ANO2: variants seen among roughly 807,000 people sequenced by gnomAD.
The protein encoded by ANO2 is anoctamin 2.
ANO2 carries 101 observed loss-of-function variants against 124.2 expected under a neutral mutation model. The ratio of observed to expected loss-of-function variants is 0.81; its 90% CI spans 0.69 to 0.96. The LOEUF (loss-of-function observed/expected upper bound fraction) is 0.96, where lower values mean the gene tolerates loss of function less well. ANO2 is among the 40% of genes least tolerant of loss of function. The pLI is 0.00. For missense variants in ANO2, 1,293 were observed against 1,274.5 expected (o/e 1.01, Z -0.22); for synonymous variants, 486 against 482.5 (o/e 1.01, Z -0.09).
intron 7 of ANO2, among the ~76,000 whole-genome samples, chr12:5,821,626 G>A (rs1281446170): frequency 1.3e-5 from 2 of 152,230 alleles, no homozygotes; most frequent in African/African-American, 4.8e-5. Flanking sequence ...GCAAGGCCCT[G>A]CCATCTTCTG....
intron 10 of ANO2, among the ~76,000 whole-genome samples, chr12:5,776,192 A>G (rs1952227800): frequency 1.3e-5 from 2 of 152,164 alleles, no homozygotes. Context: ...TATCACTGCT[A>G]TCCACAGTAC....
chr12:5,656,964 G>A (rs1234794749), intron 14 of ANO2, among the ~76,000 whole-genome samples: 1 of 152,186 alleles, frequency 6.6e-6, no homozygotes, highest in Admixed American at 6.5e-5. Flanking sequence ...AGCAGGCCGA[G>A]GTCATCTACG....
chr12:5,874,794 T>G (rs1937980110), intron 3 of ANO2, among the ~76,000 whole-genome samples: 1 of 152,226 alleles, frequency 6.6e-6, no homozygotes, highest in Non-Finnish European at 1.5e-5. Context: ...CGTCTTTTTT[T>G]ATTTGGAACT....
intron 14 of ANO2, among the ~76,000 whole-genome samples, chr12:5,714,912 A>G (rs890494834): frequency 3.9e-5 from 6 of 152,192 alleles, no homozygotes; most frequent in Admixed American, 1.3e-4. Flanking sequence ...CTGCATTTTC[A>G]TGATTCAACA....
At chr12:5,565,967 T>C (rs897734938) in intron 23 of ANO2, among the ~76,000 whole-genome samples, 4 of 152,356 alleles carry the variant, frequency 2.6e-5, no homozygotes, top group African/African-American at 9.6e-5. Context: ...GCCCAGGGCA[T>C]CTGAGGGTAG....
intron 3 of ANO2, among the ~76,000 whole-genome samples, chr12:5,894,625 T>C (rs1201454965): frequency 6.6e-6 from 1 of 152,226 alleles, no homozygotes; most frequent in Non-Finnish European, 1.5e-5. Context: ...TAGTTTTAGA[T>C]CTTACGTTTA....
Position 5,562,998 on chromosome 12 carries a change from C to G in ANO2, c.*301G>C, listed in dbSNP as rs1040317964. On this transcript the variant is annotated 3_prime_UTR_variant, in exon 25 of 25. Coordinates refer to ENST00000682330, the MANE Select transcript of ANO2 (RefSeq NM_001364791.2). The stretch of plus-strand genomic sequence containing the variant: ...GTGCCCCAGGGTACATGGGAATGCT[C>G]GCGGTGCCTGAGACTCTGGGGTGGA... 1.5e-5 allele frequency: 6 copies of G among 387,426 alleles called. No individual in the cohort carries two copies. Among genetic ancestry groups the G allele is most frequent in the Non-Finnish European group, 2.8e-5 (6 of 210,902 alleles). The allele number at this position is 387,426 out of a possible 1,614,324, so 24.0% of individuals were successfully genotyped here.
intron 10 of ANO2, among the ~76,000 whole-genome samples, chr12:5,763,259 T>C (rs1951789630): frequency 6.6e-6 from 1 of 152,048 alleles, no homozygotes; most frequent in South Asian, 2.1e-4. Context: ...AAATAAGAAA[T>C]GATGTTTAAC....
At chr12:5,763,767 T>C (rs566886743) in intron 10 of ANO2, among the ~76,000 whole-genome samples, 2 of 152,204 alleles carry the variant, frequency 1.3e-5, no homozygotes, top group Non-Finnish European at 2.9e-5. Context: ...TCAAAGTTTG[T>C]ACTTTAGGGA....
chr12:5,589,781 C>T (rs10774347), intron 20 of ANO2, among the ~76,000 whole-genome samples: 46,376 of 151,832 alleles, frequency 0.31, 7,258 homozygotes, highest in Admixed American at 0.37. Context: ...AGCCCAGGGC[C>T]GGGAGAGCAC....
chr12:5,733,507 T>C (rs750456145), intron 13 of ANO2, among the ~76,000 whole-genome samples: 1 of 152,240 alleles, frequency 6.6e-6, no homozygotes, highest in Non-Finnish European at 1.5e-5. Context: ...CGTTTATCGA[T>C]AACTCCTGGG....
intron 7 of ANO2, among the ~76,000 whole-genome samples, chr12:5,819,048 G>T (rs1953701752): frequency 6.6e-6 from 1 of 152,216 alleles, no homozygotes; most frequent in Admixed American, 6.5e-5. Flanking sequence ...GCGAGTGGCT[G>T]ACCTGCAGTG....
intron 13 of ANO2, among the ~76,000 whole-genome samples, chr12:5,738,385 C>T (rs1950960157): frequency 6.6e-6 from 1 of 152,238 alleles, no homozygotes; most frequent in African/African-American, 2.4e-5. Context: ...AGCCACCTTA[C>T]TGCTGTGGCC....
At chr12:5,895,227 C>T (rs1468691121) in intron 3 of ANO2, among the ~76,000 whole-genome samples, 1 of 151,890 alleles carries the variant, frequency 6.6e-6, no homozygotes, top group Non-Finnish European at 1.5e-5. Flanking sequence ...AGTTGTATTC[C>T]TTAGGTATTT....
At chr12:5,714,450 T>C (rs1565599488) in intron 14 of ANO2, among the ~76,000 whole-genome samples, 1 of 152,156 alleles carries the variant, frequency 6.6e-6, no homozygotes, top group Non-Finnish European at 1.5e-5. Context: ...ACAAGCTGGG[T>C]GCCACTGCCA....
At chr12:5,781,114 T>C (rs1010181087) in intron 10 of ANO2, among the ~76,000 whole-genome samples, 1 of 152,158 alleles carries the variant, frequency 6.6e-6, no homozygotes, top group African/African-American at 2.4e-5. Flanking sequence ...AGCTCAGAGG[T>C]GGCTGCTATG....
chr12:5,914,156 C>T (rs565390906), intron 3 of ANO2, among the ~76,000 whole-genome samples: 2 of 151,868 alleles, frequency 1.3e-5, no homozygotes, highest in South Asian at 2.1e-4. Context: ...GCCAAGATTG[C>T]GCTACTGCAC....
chr12:5,667,365 A>G lies in ANO2; in HGVS notation c.1546-19564T>C, dbSNP rs1947782581. On this transcript the variant is annotated intron_variant, in intron 14 of 24. Coordinates refer to ENST00000682330, the MANE Select transcript of ANO2 (RefSeq NM_001364791.2). ...TGTTAATATTGATTAATAGATAAGT[A>G]GATGGCACCTCTCCTGGTGTGGTCA... Among the ~76,000 whole-genome samples, 3 of 152,180 alleles carry G rather than the reference A, an allele frequency of 2.0e-5. No individual in the cohort carries two copies. The South Asian group carries it at 6.2e-4, about 32-fold the overall frequency.
chr12:5,826,437 CATATAT>C (rs10526567), intron 7 of ANO2, among the ~76,000 whole-genome samples: 105 of 144,310 alleles, frequency 7.3e-4, no homozygotes, highest in African/African-American at 2.6e-3. Context: ...TTAATAAACT[CATATAT>C]ATATATATAT....
Sources: gnomAD v4.1 joint callset for allele counts (sites outside exome capture counted in the v4.1 genomes callset) on GRCh38, gnomAD v4.1.1 for gene constraint, MANE v1.5 for transcripts, NCBI Gene and HGNC (gene_info 2026-07-23, HGNC 2026-07-21) for gene names.